SNTA1: variants seen among roughly 807,000 people sequenced by gnomAD.
The protein encoded by SNTA1 is syntrophin alpha 1, also known as alpha-1-syntrophin.
SNTA1 carries 31 observed loss-of-function variants against 47.1 expected under a neutral mutation model. The ratio of observed to expected loss-of-function variants is 0.66; its 90% CI spans 0.49 to 0.89. The LOEUF (loss-of-function observed/expected upper bound fraction) is 0.89, where lower values mean the gene tolerates loss of function less well. SNTA1 is among the 40% of genes least tolerant of loss of function. SNTA1 has a pLI of 0.00. For missense variants in SNTA1, 575 were observed against 693.0 expected (o/e 0.83, Z 1.91); for synonymous variants, 300 against 313.6 (o/e 0.96, Z 0.46).
At chr20:33,411,669 A>G (rs1989743597) in intron 5 of SNTA1, among the ~76,000 whole-genome samples, 4 of 152,216 alleles carry the variant, frequency 2.6e-5, no homozygotes, top group Admixed American at 2.6e-4. Context: ...AGCTAAAGCT[A>G]ACATTCCTTA....
intron 2 of SNTA1, among the ~76,000 whole-genome samples, chr20:33,424,765 C>G (rs1024887288): frequency 1.3e-5 from 2 of 151,054 alleles, no homozygotes; most frequent in African/African-American, 4.9e-5. Flanking sequence ...CCACCCATCT[C>G]AACCTCCAAT....
At chr20:33,427,230 G>A (rs6087487) in intron 2 of SNTA1, among the ~76,000 whole-genome samples, 65,777 of 151,948 alleles carry the variant, frequency 0.43, 14,943 homozygotes, top group Non-Finnish European at 0.51. Context: ...GGATAGGCAT[G>A]TAATGTGGTG....
At chr20:33,429,187 A>ATTAG (rs2146792454) in intron 2 of SNTA1, among the ~76,000 whole-genome samples, 1 of 151,848 alleles carries the variant, frequency 6.6e-6, no homozygotes, top group South Asian at 2.1e-4. Context: ...ATATACAGAA[A>ATTAG]TTAGCCAGGC....
intron 3 of SNTA1, among the ~76,000 whole-genome samples, chr20:33,416,567 G>A (rs1228949379): frequency 6.6e-6 from 1 of 152,192 alleles, no homozygotes; most frequent in Non-Finnish European, 1.5e-5. Context: ...CACTTTGGGA[G>A]GCCGAGGCAG....
chr20:33,419,134 G>C (rs1485255919), intron 2 of SNTA1, among the ~76,000 whole-genome samples: 1 of 151,984 alleles, frequency 6.6e-6, no homozygotes, highest in African/African-American at 2.4e-5. Flanking sequence ...ACTTTCCCAA[G>C]ACCTTGTCTC....
intron 2 of SNTA1, among the ~76,000 whole-genome samples, chr20:33,419,070 C>T (rs1278832736): frequency 2.0e-5 from 3 of 151,738 alleles, no homozygotes; most frequent in Non-Finnish European, 2.9e-5. Context: ...GCCAAGATTG[C>T]GCACTCCAGC....
Position 33,443,367 on chromosome 20 carries a change from C to A in SNTA1, c.254G>T (p.Arg85Leu), listed in dbSNP as rs1381008513. The A allele has an allele frequency of 2.1e-6, 3 of 1,455,012 alleles. No homozygotes were observed. Among genetic ancestry groups the A allele is most frequent in the South Asian group, 2.6e-5 (2 of 75,838 alleles). 90.1% of individuals were successfully genotyped at this position (1,455,012 alleles called of 1,614,324 possible). A position where few individuals can be genotyped will look rare whatever the true frequency, so the allele number is the denominator to read the frequency against. Reference protein sequence around the residue: ...PQLPEALLLQRRRVTVRKADA... With the variant: ...PQLPEALLLQLRRVTVRKADA... ...GGCCTTGCGCACCGTCACGCGGCGC[C>A]GCTGGAGCAGTAGCGCCTCTGGCAG... The change falls in exon 1 of 8, where the codon CGG (arginine) becomes CTG (leucine). Residue 85 changes from arginine to leucine, a missense_variant. Arg to Leu is a moderately radical substitution (Grantham distance 102, BLOSUM62 -2). Transcript: ENST00000217381.
Position 33,408,490 on chromosome 20 carries a change from A to G in SNTA1, c.*17T>C, listed in dbSNP as rs1989649904. 6.3e-7 allele frequency: 1 copy of G among 1,576,754 alleles called. No individual in the cohort carries two copies. Among genetic ancestry groups the G allele is most frequent in the Middle Eastern group, 1.7e-4 (1 of 5,990 alleles). The stretch of plus-strand genomic sequence containing the variant: ...GTCATGGACACCCCTCTTCAGGGCT[A>G]GTGCATCCGGCGACTTCTAGGCCAA... On this transcript the variant is annotated 3_prime_UTR_variant, in exon 8 of 8. Coordinates refer to ENST00000217381, the MANE Select transcript of SNTA1 (RefSeq NM_003098.3).
Position 33,417,709 on chromosome 20 carries a change from C to T in SNTA1, c.701+10G>A, listed in dbSNP as rs6057846. 7.3e-4 allele frequency: 1,184 copies of T among 1,611,588 alleles called. 10 individuals are homozygous for T. In the African/African-American group the frequency reaches 0.014, roughly 19 times the overall value. ...CTGTCCATCTGAGTTGCTCCCAACC[C>T]CAGCCTTACCTGGGCTCCGGGTCAT... is the stretch of plus-strand genomic sequence containing the variant. On this transcript the variant is annotated intron_variant, in intron 3 of 7. Transcript: ENST00000217381.
intron 2 of SNTA1, among the ~76,000 whole-genome samples, chr20:33,420,796 A>G (rs1007674578): frequency 6.6e-6 from 1 of 152,046 alleles, no homozygotes; most frequent in African/African-American, 2.4e-5. Flanking sequence ...CCTGGCCAAC[A>G]TGGTGAAACC....
intron 2 of SNTA1, among the ~76,000 whole-genome samples, chr20:33,427,062 C>CA (rs914615779): frequency 0.039 from 2,361 of 60,708 alleles, 48 homozygotes; most frequent in African/African-American, 0.085. Context: ...AACCCTGTCT[C>CA]AAAAAAAAAA....
At chr20:33,429,365 A>T in intron 2 of SNTA1, among the ~76,000 whole-genome samples, 1 of 128,988 alleles carries the variant, frequency 7.8e-6, no homozygotes, top group South Asian at 2.5e-4. Context: ...AAAAAAAAAA[A>T]ATTGGGTCAG....
chr20:33,412,451 G>A lies in SNTA1; in HGVS notation c.910-25C>T, dbSNP rs781082103. On this transcript the variant is annotated intron_variant, in intron 4 of 7. Coordinates refer to ENST00000217381, the MANE Select transcript of SNTA1 (RefSeq NM_003098.3). ...GCTGCAGAGAACAAAACAGCAGTGA[G>A]GATGGGTGGGGGAAGAGAGGGCAGA... 1.9e-6 allele frequency: 3 copies of A among 1,609,798 alleles called. No homozygotes were observed. The East Asian group carries it at 6.7e-5, about 36-fold the overall frequency.
At chr20:33,438,814 T>C in intron 2 of SNTA1, 27 bp downstream of exon 2, 1 of 1,605,020 alleles carries the variant, frequency 6.2e-7, no homozygotes, top group Non-Finnish European at 8.5e-7. Context: ...ACCCAGCCCC[T>C]CTGAACCCTG....
chr20:33,440,629 G>C (rs1180272471), intron 1 of SNTA1, among the ~76,000 whole-genome samples: 1 of 151,992 alleles, frequency 6.6e-6, no homozygotes, highest in Non-Finnish European at 1.5e-5. Context: ...ATGGGCGACA[G>C]AACAAGACTC....
chr20:33,420,657 A>G (rs1310874416), intron 2 of SNTA1, among the ~76,000 whole-genome samples: 1 of 152,138 alleles, frequency 6.6e-6, no homozygotes, highest in Non-Finnish European at 1.5e-5. Flanking sequence ...CAGAGGCTGT[A>G]TGAGCTTCCA....
At chr20:33,438,780 G>A in intron 2 of SNTA1, 61 bp downstream of exon 2, 1 of 1,383,928 alleles carries the variant, frequency 7.2e-7, no homozygotes. Context: ...CCTGGGGGAG[G>A]TAGAGAAGCA....
At position 33,420,845 on chromosome 20, in the gene SNTA1, G is replaced by A. The variant is rs146511880; in HGVS notation, c.497-2922C>T. ...AAATACAGAAAAAAATTAGCTGGGC[G>A]TGGTCGTGGGCACCTGTAATCCCAG... On this transcript the variant is annotated intron_variant, in intron 2 of 7. Coordinates refer to ENST00000217381, the MANE Select transcript of SNTA1 (RefSeq NM_003098.3). Among the ~76,000 whole-genome samples the A allele has an allele frequency of 6.3e-3, 961 of 152,010 alleles. 8 individuals are homozygous for A. Among genetic ancestry groups the A allele is most frequent in the African/African-American group, 0.022 (909 of 41,472 alleles).
intron 2 of SNTA1, among the ~76,000 whole-genome samples, chr20:33,438,580 A>G (rs1477254897): frequency 3.3e-5 from 5 of 152,228 alleles, no homozygotes; most frequent in Admixed American, 6.6e-5. Flanking sequence ...GATCAGGGAA[A>G]TGAAGTGACT....
Sources: gnomAD v4.1 joint callset for allele counts (sites outside exome capture counted in the v4.1 genomes callset) on GRCh38, gnomAD v4.1.1 for gene constraint, MANE v1.5 for transcripts, NCBI Gene and HGNC (gene_info 2026-07-23, HGNC 2026-07-21) for gene names.